The following FAM13A variants were observed in gnomAD, a reference collection of about 807,000 sequenced individuals.
FAM13A encodes the protein family with sequence similarity 13 member A.
Under a neutral mutation model 129.6 loss-of-function variants are expected in FAM13A, and 76 were observed. That is an observed-to-expected ratio of 0.59 (90% CI 0.49 to 0.71). FAM13A has a LOEUF of 0.71. Among genes scored for constraint, FAM13A ranks in the 30% least tolerant of loss-of-function variants. FAM13A has a pLI of 0.00. For missense variants in FAM13A, 1,108 were observed against 1,249.3 expected, an observed-to-expected ratio of 0.89 and a Z score of 1.70; for synonymous variants, 443 against 449.9, an observed-to-expected ratio of 0.98 and a Z score of 0.20.
intron 7 of FAM13A, among the ~76,000 whole-genome samples, chr4:88,848,362 T>C (rs1042775563): frequency 1.3e-5 from 2 of 152,230 alleles, no homozygotes; most frequent in Non-Finnish European, 2.9e-5. Flanking sequence ...ACCTCCTGGC[T>C]TGCAACATCA....
intron 7 of FAM13A, among the ~76,000 whole-genome samples, chr4:88,849,203 G>A (rs1216421376): frequency 2.0e-5 from 3 of 152,152 alleles, no homozygotes; most frequent in South Asian, 2.1e-4. Context: ...CCCCAAGTGG[G>A]AGATTTACAT....
Position 88,749,264 on chromosome 4 carries a change from T to C in FAM13A, c.2080-231A>G, listed in dbSNP as rs548592065. On this transcript the variant is annotated intron_variant, in intron 16 of 23. Coordinates refer to ENST00000264344, the MANE Select transcript of FAM13A (RefSeq NM_014883.4). Reference sequence around the variant, plus strand: ...TCCTCAGAGGCAAAATGCATCTTTATGATCAGTGACTTCTGTGAGGTCCAT... The same window carrying C: ...TCCTCAGAGGCAAAATGCATCTTTACGATCAGTGACTTCTGTGAGGTCCAT... Among the ~76,000 whole-genome samples the C allele has an allele frequency of 9.8e-5, 15 of 152,356 alleles. No homozygotes were observed. The East Asian group carries it at 2.7e-3, about 27-fold the overall frequency.
intron 4 of FAM13A, among the ~76,000 whole-genome samples, chr4:88,986,992 T>C (rs1053144668): frequency 3.9e-5 from 6 of 152,168 alleles, no homozygotes; most frequent in Non-Finnish European, 7.4e-5. Context: ...AATTCTTCTA[T>C]AGAAGAAACC....
rs369688210 is a variant in FAM13A, at chr4:88,938,245, G to C, written c.606-4C>G. ...GCCTTCAAGCCCAGGTGGCACACTAGAAACAAGAAAGGGAAAGAGAGGAAT... is the reference window on the plus strand; with the variant it reads ...GCCTTCAAGCCCAGGTGGCACACTACAAACAAGAAAGGGAAAGAGAGGAAT... On this transcript the variant is annotated splice_region_variant and splice_polypyrimidine_tract_variant and intron_variant, in intron 4 of 23. Transcript: ENST00000264344. The C allele has an allele frequency of 3.1e-5, 49 of 1,595,956 alleles. No individual in the cohort carries two copies. The highest frequency in any genetic ancestry group is 4.2e-5 in the Non-Finnish European group (49 of 1,173,462).
chr4:88,940,375 C>T (rs1401261054), intron 4 of FAM13A, among the ~76,000 whole-genome samples: 1 of 152,160 alleles, frequency 6.6e-6, no homozygotes, highest in Non-Finnish European at 1.5e-5. Context: ...CCTATAGTTA[C>T]TTGAGAAGAT....
intron 1 of FAM13A, among the ~76,000 whole-genome samples, chr4:89,042,870 C>T (rs1461388406): frequency 6.6e-6 from 1 of 152,114 alleles, no homozygotes; most frequent in Non-Finnish European, 1.5e-5. Flanking sequence ...AGACTAAAAA[C>T]ATTCTATTAA....
chr4:88,768,219 T>C lies in FAM13A; in HGVS notation c.1459-160A>G, dbSNP rs1746079642. On this transcript the variant is annotated intron_variant, in intron 11 of 23. Transcript: ENST00000264344. The stretch of plus-strand genomic sequence containing the variant: ...GTTTAAACTAGTAAAATTATGACAG[T>C]TTATTATATCCTGCTTGCATAGAAT... 7.6e-6 allele frequency: 4 copies of C among 528,934 alleles called. No homozygotes were observed. The South Asian group carries it at 9.1e-5, about 12-fold the overall frequency. The allele number at this position is 528,934 out of a possible 1,614,324, so 32.8% of individuals were successfully genotyped here.
chr4:89,019,387 T>C (rs1231551244), intron 3 of FAM13A, among the ~76,000 whole-genome samples: 1 of 152,172 alleles, frequency 6.6e-6, no homozygotes, highest in Non-Finnish European at 1.5e-5. Flanking sequence ...AATAAATGGT[T>C]TTAAGGGTAA....
intron 5 of FAM13A, among the ~76,000 whole-genome samples, chr4:88,926,557 T>C (rs1450485565): frequency 6.6e-6 from 1 of 152,186 alleles, no homozygotes; most frequent in Non-Finnish European, 1.5e-5. Flanking sequence ...AATTATTCCT[T>C]ATAATAGGAA....
At chr4:88,983,197 A>C (rs1761853527) in intron 4 of FAM13A, among the ~76,000 whole-genome samples, 1 of 152,142 alleles carries the variant, frequency 6.6e-6, no homozygotes. Context: ...ACTTAGTCTC[A>C]GAGTTATACC....
At chr4:88,876,617 A>T (rs1012224321) in intron 6 of FAM13A, among the ~76,000 whole-genome samples, 11 of 151,700 alleles carry the variant, frequency 7.3e-5, no homozygotes, top group African/African-American at 2.7e-4. Flanking sequence ...TTTGAGACAG[A>T]GTCTCGCTCT....
intron 4 of FAM13A, among the ~76,000 whole-genome samples, chr4:88,944,971 C>A (rs1466219804): frequency 6.6e-6 from 1 of 151,650 alleles, no homozygotes; most frequent in East Asian, 1.9e-4. Context: ...GTAAAAGGAA[C>A]CTCTGTGGGT....
chr4:89,029,219 C>T (rs957885016), intron 2 of FAM13A, among the ~76,000 whole-genome samples: 1 of 152,040 alleles, frequency 6.6e-6, no homozygotes, highest in Non-Finnish European at 1.5e-5. Context: ...GGAAACATTC[C>T]AAACTAGAAA....
chr4:88,782,739 T>G (rs1260689247), intron 10 of FAM13A, among the ~76,000 whole-genome samples: 1 of 152,160 alleles, frequency 6.6e-6, no homozygotes. Flanking sequence ...ATAAGAGATA[T>G]TCTAAGTACA....
intron 13 of FAM13A, among the ~76,000 whole-genome samples, chr4:88,762,155 G>A (rs1008312951): frequency 6.6e-6 from 1 of 152,130 alleles, no homozygotes; most frequent in East Asian, 1.9e-4. Context: ...AAGGCCCTGA[G>A]GCATGGTCAG....
At position 88,823,133 on chromosome 4, in the gene FAM13A, G is replaced by A. The variant is rs528417051; in HGVS notation, c.1008-18081C>T. 7.8e-5 allele frequency: 118 copies of A among 1,505,694 alleles called. No individual in the cohort carries two copies. In the African/African-American group the frequency reaches 1.4e-3, roughly 18 times the overall value. 93.3% of individuals were successfully genotyped at this position (1,505,694 alleles called of 1,614,324 possible). A position where few individuals can be genotyped will look rare whatever the true frequency, so the allele number is the denominator to read the frequency against. On this transcript the variant is annotated intron_variant, in intron 7 of 23. Coordinates refer to ENST00000264344, the MANE Select transcript of FAM13A (RefSeq NM_014883.4). Reference sequence around the variant, plus strand: ...GGGCATGAGGCTGCACCGCACGGCTGGAGAAACAACTTGCTCTGCAGTTGG... The same window carrying A: ...GGGCATGAGGCTGCACCGCACGGCTAGAGAAACAACTTGCTCTGCAGTTGG...
At chr4:88,864,875 G>A (rs1221021007) in intron 6 of FAM13A, among the ~76,000 whole-genome samples, 1 of 152,118 alleles carries the variant, frequency 6.6e-6, no homozygotes, top group Non-Finnish European at 1.5e-5. Flanking sequence ...TAAGTCTCCA[G>A]GCATAAAACC....
At chr4:88,877,824 TCTA>T (rs1244376707) in intron 6 of FAM13A, among the ~76,000 whole-genome samples, 2 of 152,216 alleles carry the variant, frequency 1.3e-5, no homozygotes, top group African/African-American at 4.8e-5. Flanking sequence ...CCTTGAATCT[TCTA>T]CTTCCCACCT....
intron 6 of FAM13A, among the ~76,000 whole-genome samples, chr4:88,880,898 C>G (rs1394974618): frequency 2.6e-5 from 4 of 151,448 alleles, no homozygotes; most frequent in Non-Finnish European, 5.9e-5. Context: ...AATGAGGCAG[C>G]AGAGGCAGCC....
Sources: gnomAD v4.1 joint callset for allele counts (sites outside exome capture counted in the v4.1 genomes callset) on GRCh38, gnomAD v4.1.1 for gene constraint, MANE v1.5 for transcripts, NCBI Gene and HGNC (gene_info 2026-07-23, HGNC 2026-07-21) for gene names.